The following FTO variants were observed in gnomAD, a reference collection of about 807,000 sequenced individuals.
The protein encoded by FTO is FTO alpha-ketoglutarate dependent dioxygenase, also known as alpha-ketoglutarate-dependent dioxygenase FTO.
FTO carries 47 observed loss-of-function variants against 63.9 expected under a neutral mutation model. The ratio of observed to expected loss-of-function variants is 0.74; its 90% CI spans 0.58 to 0.94. FTO has a LOEUF of 0.94. Ranked by LOEUF, FTO falls within the 40% of genes least tolerant of loss-of-function variation. The probability of loss-of-function intolerance (pLI) is 0.00; values close to 1 mark genes in which losing one functional copy is unlikely to be tolerated. For synonymous variants in FTO, 207 were observed against 224.4 expected (o/e 0.92, Z 0.69); for missense variants, 562 against 618.1 (o/e 0.91, Z 0.96).
chr16:54,095,436 C>T (rs1177889344), intron 8 of FTO, among the ~76,000 whole-genome samples: 4 of 150,498 alleles, frequency 2.7e-5, no homozygotes, highest in African/African-American at 9.9e-5. Flanking sequence ...CCTCTCTATT[C>T]ACTCTTTTTT....
At chr16:54,074,917 AGTGTGT>A (rs3040381) in intron 8 of FTO, among the ~76,000 whole-genome samples, 176 of 134,162 alleles carry the variant, frequency 1.3e-3, no homozygotes, top group South Asian at 3.8e-3. Context: ...AGAGAGAGAG[AGTGTGT>A]GTGTGTGTGT....
At chr16:54,036,853 G>T (rs1019194658) in intron 8 of FTO, among the ~76,000 whole-genome samples, 7 of 152,162 alleles carry the variant, frequency 4.6e-5, no homozygotes, top group Non-Finnish European at 1.0e-4. Context: ...TGCTATGTGA[G>T]ATATACCAGT....
chr16:53,852,946 C>G (rs1736485359), intron 4 of FTO, among the ~76,000 whole-genome samples: 1 of 152,214 alleles, frequency 6.6e-6, no homozygotes, highest in African/African-American at 2.4e-5. Context: ...CCACCTACCA[C>G]AGTTATCATA....
intron 8 of FTO, among the ~76,000 whole-genome samples, chr16:53,957,966 G>T (rs73614154): frequency 2.0e-4 from 31 of 152,304 alleles, no homozygotes; most frequent in African/African-American, 6.3e-4. Flanking sequence ...GACCCTCATG[G>T]ACTGAATATT....
intron 1 of FTO, among the ~76,000 whole-genome samples, chr16:53,808,481 G>A (rs2078430281): frequency 6.6e-6 from 1 of 152,114 alleles, no homozygotes; most frequent in South Asian, 2.1e-4. Flanking sequence ...TGTCTCTCAG[G>A]GTCAATTGGT....
chr16:53,853,259 C>T (rs982475981), intron 4 of FTO, among the ~76,000 whole-genome samples: 6 of 151,956 alleles, frequency 3.9e-5, no homozygotes, highest in African/African-American at 1.2e-4. Flanking sequence ...GAGCCAAGAT[C>T]GCACCATTGC....
intron 8 of FTO, among the ~76,000 whole-genome samples, chr16:53,982,279 T>C (rs1347556611): frequency 1.3e-5 from 2 of 152,168 alleles, no homozygotes; most frequent in African/African-American, 4.8e-5. Context: ...ATACCTCCAA[T>C]ACACCTCTTT....
At chr16:54,039,467 A>G (rs1350501604) in intron 8 of FTO, 2 of 152,256 alleles carry the variant, frequency 1.3e-5, no homozygotes, top group Non-Finnish European at 2.9e-5. Context: ...GTTATCAAGC[A>G]TTTAAGTCCT....
intron 8 of FTO, among the ~76,000 whole-genome samples, chr16:54,023,703 C>T (rs181694268): frequency 9.9e-5 from 15 of 152,284 alleles, no homozygotes; most frequent in Admixed American, 5.2e-4. Flanking sequence ...GAACTTCGTG[C>T]GATTTCTCTT....
intron 8 of FTO, among the ~76,000 whole-genome samples, chr16:53,950,035 C>A (rs1375815355): frequency 7.9e-6 from 1 of 125,998 alleles, no homozygotes; most frequent in East Asian, 2.3e-4. Flanking sequence ...CTTTCATTTT[C>A]TTTTTTTGGG....
At chr16:54,014,708 C>T (rs111544776) in intron 8 of FTO, among the ~76,000 whole-genome samples, 4,502 of 152,168 alleles carry the variant, frequency 0.03, 118 homozygotes, top group Middle Eastern at 0.12. Flanking sequence ...AGGAATCACC[C>T]TCCTAACTCC....
At chr16:53,787,134 A>AG (rs1567985664) in intron 1 of FTO, among the ~76,000 whole-genome samples, 2 of 133,850 alleles carry the variant, frequency 1.5e-5, no homozygotes, top group Non-Finnish European at 3.2e-5. Context: ...AAAAAAAAAA[A>AG]AAAAAAAAGA....
chr16:54,077,443 C>T (rs561364564), intron 8 of FTO, among the ~76,000 whole-genome samples: 10 of 152,232 alleles, frequency 6.6e-5, no homozygotes, highest in Admixed American at 3.9e-4. Context: ...GTAACACATC[C>T]GTGCCCCTGG....
intron 8 of FTO, among the ~76,000 whole-genome samples, chr16:54,094,764 G>A (rs1298784215): frequency 2.6e-5 from 4 of 152,184 alleles, no homozygotes; most frequent in East Asian, 1.9e-4. Flanking sequence ...CCGAAGAGGC[G>A]TAAGATATTT....
chr16:53,818,912 G>T (rs1475771079), intron 2 of FTO, among the ~76,000 whole-genome samples: 1 of 152,004 alleles, frequency 6.6e-6, no homozygotes, highest in Non-Finnish European at 1.5e-5. Flanking sequence ...TAATCTTGGT[G>T]TGTTTAATAA....
intron 8 of FTO, among the ~76,000 whole-genome samples, chr16:54,107,219 A>G (rs1227150712): frequency 1.3e-5 from 2 of 151,954 alleles, no homozygotes; most frequent in Non-Finnish European, 2.9e-5. Flanking sequence ...AACAGATCCA[A>G]GTTTATTTGC....
rs1280637206 is a variant in FTO at position 53,853,953 on chromosome 16, TC to T, written c.895+9658del. On this transcript the variant is annotated intron_variant, in intron 4 of 8. Transcript: ENST00000471389. ...ATTTCCACCCCCAGTGTATAAGCAC[TC>T]CCTTTTCACTACATTTCTAGCAACA... Among the ~76,000 whole-genome samples the T allele has an allele frequency of 3.9e-5, 6 of 152,182 alleles. No individual in the cohort carries two copies. The East Asian group carries it at 1.2e-3, about 29-fold the overall frequency.
chr16:53,836,169 G>A (rs561704207), intron 3 of FTO, among the ~76,000 whole-genome samples: 1 of 152,276 alleles, frequency 6.6e-6, no homozygotes, highest in African/African-American at 2.4e-5. Context: ...GAGATTACAG[G>A]CATGAGCCAC....
chr16:53,760,205 GGTGTGT>G (rs1173270081), intron 1 of FTO, among the ~76,000 whole-genome samples: 2,707 of 125,402 alleles, frequency 0.022, 42 homozygotes, highest in East Asian at 0.034. Context: ...CTTCAGCTTT[GGTGTGT>G]GTGTGTGTGT....
Sources: gnomAD v4.1 joint callset for allele counts (sites outside exome capture counted in the v4.1 genomes callset) on GRCh38, gnomAD v4.1.1 for gene constraint, MANE v1.5 for transcripts, NCBI Gene and HGNC (gene_info 2026-07-23, HGNC 2026-07-21) for gene names.